The following GALNT1 variants were observed in gnomAD, a reference collection of about 807,000 sequenced individuals.
GALNT1 encodes the protein GalNAc transferase 1.
GALNT1 carries 17 observed loss-of-function variants against 65.7 expected under a neutral mutation model. The observed-to-expected ratio is 0.26, with a 90% CI of 0.18 to 0.39. The LOEUF is 0.39. Among genes scored for constraint, GALNT1 ranks in the 10% least tolerant of loss-of-function variants. GALNT1 has a pLI of 1.00. For missense variants in GALNT1, 460 were observed against 672.8 expected (o/e 0.68, Z 3.50); for synonymous variants, 210 against 219.7 (o/e 0.96, Z 0.39).
In GALNT1 at chr18:35,692,355, A is replaced by G. The variant is rs1342308794; in HGVS notation, c.1299+35A>G. 8 of 1,296,888 alleles carry G rather than the reference A, an allele frequency of 6.2e-6. No homozygotes were observed. The African/African-American group carries it at 1.2e-4, about 20-fold the overall frequency. The allele number at this position is 1,296,888 out of a possible 1,614,324, so 80.3% of individuals were successfully genotyped here. ...ATATATATATATATTCTATGTGGTT[A>G]TTATGTTCTTACTTTTTTATTAAAA... On this transcript the variant is annotated intron_variant, in intron 9 of 11. Coordinates refer to ENST00000269195, the MANE Select transcript of GALNT1 (RefSeq NM_020474.4).
intron 1 of GALNT1, among the ~76,000 whole-genome samples, chr18:35,631,812 C>T (rs905380628): frequency 2.9e-4 from 44 of 152,156 alleles, no homozygotes; most frequent in African/African-American, 8.7e-4. Flanking sequence ...AAAACCCCAT[C>T]GTCTCAGCCC....
chr18:35,683,204 G>A (rs185814601), intron 4 of GALNT1, among the ~76,000 whole-genome samples, 187 bp from the exon 5 acceptor site: 59 of 152,250 alleles, frequency 3.9e-4, no homozygotes, highest in African/African-American at 1.3e-3. Flanking sequence ...TAAAATAGAG[G>A]CAGCTGTAGT....
intron 1 of GALNT1, chr18:35,596,801 A>G (rs1300890487): frequency 6.6e-6 from 1 of 152,204 alleles, no homozygotes; most frequent in Non-Finnish European, 1.5e-5. Flanking sequence ...CACTGTATTT[A>G]CTAGAACATC....
chr18:35,584,216 C>T (rs1009695971), intron 1 of GALNT1, among the ~76,000 whole-genome samples: 3 of 152,200 alleles, frequency 2.0e-5, no homozygotes, highest in African/African-American at 7.2e-5. Context: ...AGGTCACAAT[C>T]AGGTTGACGC....
intron 4 of GALNT1, among the ~76,000 whole-genome samples, chr18:35,678,543 T>TG (rs1450762282): frequency 6.6e-6 from 1 of 152,200 alleles, no homozygotes; most frequent in Non-Finnish European, 1.5e-5. Context: ...TAAAGAAACT[T>TG]GCTTAACTTA....
intron 6 of GALNT1, among the ~76,000 whole-genome samples, chr18:35,688,529 A>C (rs1242319807): frequency 6.6e-6 from 1 of 152,092 alleles, no homozygotes; most frequent in African/African-American, 2.4e-5. Context: ...CTCCCTTTGC[A>C]TACCTGAGCC....
At chr18:35,631,447 G>T (rs1376225174) in intron 1 of GALNT1, among the ~76,000 whole-genome samples, 2 of 151,996 alleles carry the variant, frequency 1.3e-5, no homozygotes, top group Non-Finnish European at 1.5e-5. Context: ...CAGAACCAAC[G>T]AGAAAAGCCA....
rs999958512 is a variant in GALNT1, at chr18:35,692,651, T to C, written c.1299+331T>C. Reference sequence around the variant, plus strand: ...ATTGTGGATCTGTAAAATCTGTATATATATTAAAAAAAAAAAGACTTCTTT... The same window carrying C: ...ATTGTGGATCTGTAAAATCTGTATACATATTAAAAAAAAAAAGACTTCTTT... On this transcript the variant is annotated intron_variant, in intron 9 of 11. Transcript: ENST00000269195. Among the ~76,000 whole-genome samples, 9 of 151,524 alleles carry C rather than the reference T, an allele frequency of 5.9e-5. No individual in the cohort carries two copies. The East Asian group carries it at 1.2e-3, about 20-fold the overall frequency.
chr18:35,643,279 A>G (rs1158764146), intron 1 of GALNT1, among the ~76,000 whole-genome samples: 3 of 152,144 alleles, frequency 2.0e-5, no homozygotes, highest in Admixed American at 2.0e-4. Flanking sequence ...GCACTGAGAC[A>G]TGGCCGAGGT....
At position 35,600,708 on chromosome 18, in the gene GALNT1, A is replaced by G. The variant is rs187121921; in HGVS notation, c.-104+18846A>G. 3.3e-5 allele frequency among the ~76,000 whole-genome samples: 5 copies of G among 152,020 alleles called. No individual in the cohort carries two copies. In the East Asian group the frequency reaches 9.7e-4, roughly 29 times the overall value. ...GGGAGGGGTATGATCCTTCTATACC[A>G]TTAACATTCTATTAATGTGATGTGT... is the stretch of plus-strand genomic sequence containing the variant. On this transcript the variant is annotated intron_variant, in intron 1 of 11. Transcript: ENST00000269195.
chr18:35,587,504 AG>A (rs1345549147), intron 1 of GALNT1, among the ~76,000 whole-genome samples: 6 of 152,166 alleles, frequency 3.9e-5, no homozygotes, highest in Non-Finnish European at 8.8e-5. Context: ...CTGTTTATCA[AG>A]TTAGGGAAGT....
chr18:35,708,909 G>A (rs1353755785), intron 11 of GALNT1, among the ~76,000 whole-genome samples: 1 of 152,170 alleles, frequency 6.6e-6, no homozygotes, highest in South Asian at 2.1e-4. Flanking sequence ...CTCAAAATAT[G>A]TAATGTGATC....
chr18:35,628,141 G>C (rs1028758949), intron 1 of GALNT1, among the ~76,000 whole-genome samples: 2 of 152,202 alleles, frequency 1.3e-5, no homozygotes, highest in Non-Finnish European at 2.9e-5. Context: ...ACCTCTGGGG[G>C]CAGGGCATAG....
rs1384754641 is a variant in GALNT1, at chr18:35,600,410, A to G, written c.-104+18548A>G. Among the ~76,000 whole-genome samples the G allele has an allele frequency of 3.3e-5, 5 of 152,168 alleles. No individual in the cohort carries two copies. The South Asian group carries it at 6.2e-4, about 19-fold the overall frequency. On this transcript the variant is annotated intron_variant, in intron 1 of 11. Transcript: ENST00000269195. The stretch of plus-strand genomic sequence containing the variant: ...TTTACTGGATTTGATTATTGGTTCT[A>G]GTAGTTTGCTGATGGAGTCTTAGGG...
intron 1 of GALNT1, among the ~76,000 whole-genome samples, chr18:35,622,156 T>C (rs1193910460): frequency 6.6e-6 from 1 of 152,208 alleles, no homozygotes; most frequent in Non-Finnish European, 1.5e-5. Context: ...GATAATTTTT[T>C]TCTTTACTAT....
At chr18:35,664,004 A>G in intron 3 of GALNT1, 1 of 505,652 alleles carries the variant, frequency 2.0e-6, no homozygotes, top group Non-Finnish European at 3.4e-6. Context: ...TATTTCAGGC[A>G]TTGGAAGATA....
chr18:35,655,370 G>C (rs1490111116), intron 2 of GALNT1, among the ~76,000 whole-genome samples: 1 of 151,100 alleles, frequency 6.6e-6, no homozygotes, highest in Non-Finnish European at 1.5e-5. Flanking sequence ...GTATGGAAAG[G>C]AAATAAATAT....
At chr18:35,655,055 CTT>C (rs2047364116) in intron 2 of GALNT1, among the ~76,000 whole-genome samples, 1 of 152,026 alleles carries the variant, frequency 6.6e-6, no homozygotes, top group Non-Finnish European at 1.5e-5. Flanking sequence ...CTGTAAGTTA[CTT>C]TATGTTACTA....
intron 3 of GALNT1, among the ~76,000 whole-genome samples, chr18:35,671,400 T>G (rs2047634046): frequency 6.6e-6 from 1 of 152,144 alleles, no homozygotes; most frequent in South Asian, 2.1e-4. Flanking sequence ...AAACGTTTTG[T>G]AGAGATGGGG....
Sources: allele counts gnomAD v4.1 joint callset (sites outside exome capture counted in the v4.1 genomes callset), GRCh38; gene constraint gnomAD v4.1.1; transcripts MANE v1.5; gene names NCBI Gene and HGNC (gene_info 2026-07-23, HGNC 2026-07-21).